Variants in DGKG observed in about 807,000 individuals in gnomAD.
DGKG encodes the protein DAG kinase gamma.
DGKG carries 78 observed loss-of-function variants against 105.3 expected under a neutral mutation model. The ratio of observed to expected loss-of-function variants is 0.74; its 90% CI spans 0.62 to 0.89. DGKG has a LOEUF of 0.89. Among genes scored for constraint, DGKG ranks in the 40% least tolerant of loss-of-function variants. The probability of loss-of-function intolerance (pLI) is 0.00; values close to 1 mark genes in which losing one functional copy is unlikely to be tolerated. For synonymous variants in DGKG, 346 were observed against 367.1 expected, an observed-to-expected ratio of 0.94 and a Z score of 0.66; for missense variants, 958 against 1,020.1, an observed-to-expected ratio of 0.94 and a Z score of 0.83.
intron 21 of DGKG, among the ~76,000 whole-genome samples, chr3:186,197,742 C>A (rs914541341): frequency 2.6e-5 from 4 of 152,034 alleles, no homozygotes; most frequent in Non-Finnish European, 5.9e-5. Context: ...GTTATAGTAG[C>A]CTGAATTCTG....
At chr3:186,355,458 C>G (rs1726895953) in intron 1 of DGKG, among the ~76,000 whole-genome samples, 1 of 150,956 alleles carries the variant, frequency 6.6e-6, no homozygotes, top group Non-Finnish European at 1.5e-5. Flanking sequence ...TCATCACCAC[C>G]ATTATCATAA....
At position 186,265,289 on chromosome 3, in the gene DGKG, C is replaced by T. The variant is rs747664224; in HGVS notation, c.1227G>A (p.Lys409=). Residue 409 remains lysine (K), a synonymous_variant, in exon 14 of 25, where the codon AAG becomes AAA. Coordinates refer to ENST00000265022, the MANE Select transcript of DGKG (RefSeq NM_001346.3). ...CCTTGGCGGACACGCAGCCATCAGACTTCTCACCTGGCCTGTCCTGTGACA... is the reference window on the plus strand; with the variant it reads ...CCTTGGCGGACACGCAGCCATCAGATTTCTCACCTGGCCTGTCCTGTGACA... ...CPITRDRPGE[K]SDGCVSAKGE... is the part of the protein sequence containing the mutation. The T allele has an allele frequency of 2.5e-6, 4 of 1,614,252 alleles. No homozygotes were observed. The South Asian group carries it at 4.4e-5, about 18-fold the overall frequency.
chr3:186,245,295 A>G (rs1163806232), intron 19 of DGKG, among the ~76,000 whole-genome samples: 1 of 152,212 alleles, frequency 6.6e-6, no homozygotes, highest in Non-Finnish European at 1.5e-5. Flanking sequence ...GCAAATACAC[A>G]AAGTAGCAAG....
intron 22 of DGKG, among the ~76,000 whole-genome samples, chr3:186,168,162 G>A (rs1020630163): frequency 3.9e-5 from 6 of 152,270 alleles, no homozygotes; most frequent in Non-Finnish European, 7.4e-5. Flanking sequence ...AACCTACTTG[G>A]CAATTTCATT....
intron 1 of DGKG, among the ~76,000 whole-genome samples, chr3:186,327,314 A>G (rs1296758170): frequency 6.6e-6 from 1 of 151,550 alleles, no homozygotes; most frequent in South Asian, 2.1e-4. Flanking sequence ...ATGTGAGAAG[A>G]TATGTGAATA....
At chr3:186,337,657 T>C (rs1725893497) in intron 1 of DGKG, among the ~76,000 whole-genome samples, 1 of 152,142 alleles carries the variant, frequency 6.6e-6, no homozygotes, top group African/African-American at 2.4e-5. Context: ...TAGAGGTATA[T>C]AAATTGGAAT....
At chr3:186,189,728 T>C (rs575745199) in intron 21 of DGKG, among the ~76,000 whole-genome samples, 1 of 152,342 alleles carries the variant, frequency 6.6e-6, no homozygotes, top group African/African-American at 2.4e-5. Flanking sequence ...TACATTATGT[T>C]ATCTTGTTTC....
intron 1 of DGKG, among the ~76,000 whole-genome samples, chr3:186,353,644 ATCTATG>A (rs59298207): frequency 0.19 from 18,533 of 96,170 alleles, 1,452 homozygotes; most frequent in Middle Eastern, 0.25. Flanking sequence ...CTATATCTAT[ATCTATG>A]TCTATGTCTA....
chr3:186,161,449 A>G, intron 24 of DGKG, 154 bp downstream of exon 24: 2 of 1,452,902 alleles, frequency 1.4e-6, no homozygotes, highest in Non-Finnish European at 1.8e-6. Context: ...CAGGTAAATG[A>G]GTGGATGGAT....
At chr3:186,269,561 G>A (rs1722218353) in intron 11 of DGKG, among the ~76,000 whole-genome samples, 1 of 152,170 alleles carries the variant, frequency 6.6e-6, no homozygotes. Flanking sequence ...GAAGTACCTG[G>A]GGGAGCTTTT....
In DGKG at chr3:186,302,055, G is replaced by A. The variant is rs114020129; in HGVS notation, c.145-3826C>T. Among the ~76,000 whole-genome samples the A allele has an allele frequency of 8.7e-3, 1,319 of 152,148 alleles. 16 individuals carry two copies. Among genetic ancestry groups the A allele is most frequent in the African/African-American group, 0.03 (1,244 of 41,492 alleles). On this transcript the variant is annotated intron_variant, in intron 3 of 24. Coordinates refer to ENST00000265022, the MANE Select transcript of DGKG (RefSeq NM_001346.3). ...CCAGTCATGCTTTAAGGCCCAACCC[G>A]GATTCCACTTTTTCCAGAAAGCCTT...
intron 23 of DGKG, among the ~76,000 whole-genome samples, chr3:186,162,479 A>G (rs1409516589): frequency 6.6e-6 from 1 of 152,220 alleles, no homozygotes; most frequent in African/African-American, 2.4e-5. Context: ...AATTTATACA[A>G]CATACAGCTC....
chr3:186,267,787 G>T lies in DGKG; in HGVS notation c.1117-10C>A. 1 of 1,612,760 alleles carries T rather than the reference G, an allele frequency of 6.2e-7. No homozygotes were observed. The highest frequency in any genetic ancestry group is 8.5e-7 in the Non-Finnish European group (1 of 1,178,880). ...CACATTTGCGGTGAAACTGGGGGGA[G>T]AAATGAAAAAGAGAGTGAGTGAAAG... On this transcript the variant is annotated splice_polypyrimidine_tract_variant and intron_variant, in intron 12 of 24. Transcript: ENST00000265022.
In DGKG at chr3:186,203,895, G is replaced by A. The variant is rs1718593724; in HGVS notation, c.1917+7900C>T. On this transcript the variant is annotated intron_variant, in intron 21 of 24. Coordinates refer to ENST00000265022, the MANE Select transcript of DGKG (RefSeq NM_001346.3). This position sits in a 1 kb window ranked among gnomAD's most constrained non-coding sequence, Gnocchi z 4.9. The stretch of plus-strand genomic sequence containing the variant: ...CCAGGGAAAGGCTCTACCTGTGGTA[G>A]CTGAGAAGAAGGTTCAGATCATATC... 6.6e-6 allele frequency among the ~76,000 whole-genome samples: 1 copy of A among 152,200 alleles called. No individual in the cohort carries two copies. Among genetic ancestry groups the A allele is most frequent in the Non-Finnish European group, 1.5e-5 (1 of 68,034 alleles).
chr3:186,303,767 C>T (rs989067742), intron 3 of DGKG, among the ~76,000 whole-genome samples: 5 of 152,128 alleles, frequency 3.3e-5, no homozygotes, highest in Non-Finnish European at 7.4e-5. Context: ...TACTGATGGG[C>T]AAGCGCATGT....
At chr3:186,200,270 G>T (rs78677049) in intron 21 of DGKG, among the ~76,000 whole-genome samples, 2,283 of 152,254 alleles carry the variant, frequency 0.015, 70 homozygotes, top group African/African-American at 0.052. Flanking sequence ...CCTAGAGGGT[G>T]AAAATGGGCC....
At chr3:186,176,453 T>C (rs1397010759) in intron 22 of DGKG, among the ~76,000 whole-genome samples, 1 of 152,184 alleles carries the variant, frequency 6.6e-6, no homozygotes, top group African/African-American at 2.4e-5. Context: ...CATTCACTAA[T>C]ATCATCTCAG....
At chr3:186,304,252 G>A (rs1000345213) in intron 3 of DGKG, among the ~76,000 whole-genome samples, 7 of 152,222 alleles carry the variant, frequency 4.6e-5, no homozygotes, top group African/African-American at 1.7e-4. Context: ...AGCTGGGGGT[G>A]GGGGGTGTGG....
intron 12 of DGKG, 117 bp from the exon 13 acceptor site, chr3:186,267,894 A>G: frequency 2.3e-6 from 2 of 871,680 alleles, no homozygotes; most frequent in South Asian, 2.9e-5. Context: ...ATCCTGATGC[A>G]CTGCTGGCTT....
Sources: allele counts gnomAD v4.1 joint callset (sites outside exome capture counted in the v4.1 genomes callset), GRCh38; gene constraint gnomAD v4.1.1; non-coding constraint Gnocchi (gnomAD v3.1); transcripts MANE v1.5; gene names NCBI Gene and HGNC (gene_info 2026-07-23, HGNC 2026-07-21).